Variants in THRB observed in about 807,000 individuals in gnomAD.
The protein encoded by THRB is nuclear receptor subfamily 1 group A member 2.
THRB carries 12 observed loss-of-function variants against 47.8 expected under a neutral mutation model. The observed-to-expected ratio is 0.25, with a 90% confidence interval of 0.16 to 0.41. The LOEUF (loss-of-function observed/expected upper bound fraction) is 0.41. Among genes scored for constraint, THRB ranks in the 10% least tolerant of loss-of-function variants. The probability of loss-of-function intolerance (pLI) is 1.00; values close to 1 mark genes in which losing one functional copy is unlikely to be tolerated. For synonymous variants in THRB, 218 were observed against 212.2 expected (o/e 1.03, Z -0.24); for missense variants, 348 against 589.2 (o/e 0.59, Z 4.24).
chr3:24,477,752 T>C (rs1387003232), intron 1 of THRB, among the ~76,000 whole-genome samples: 1 of 151,798 alleles, frequency 6.6e-6, no homozygotes, highest in Non-Finnish European at 1.5e-5. Context: ...TCAGTAGATC[T>C]CTCAGTGACA....
At chr3:24,132,085 G>A (rs1156949432) in intron 9 of THRB, among the ~76,000 whole-genome samples, 5 of 152,158 alleles carry the variant, frequency 3.3e-5, no homozygotes, top group African/African-American at 1.2e-4. Flanking sequence ...ATTCCAGCTA[G>A]GCTCCCATTA....
intron 4 of THRB, among the ~76,000 whole-genome samples, chr3:24,203,533 C>G (rs549177722): frequency 6.6e-6 from 1 of 152,298 alleles, no homozygotes; most frequent in South Asian, 2.1e-4. Flanking sequence ...GGGCGGTTCT[C>G]AGATGGCTGA....
intron 5 of THRB, among the ~76,000 whole-genome samples, chr3:24,187,877 T>G (rs2042801086): frequency 6.6e-6 from 1 of 152,198 alleles, no homozygotes; most frequent in African/African-American, 2.4e-5. Context: ...ATAAGTTTCT[T>G]GGACCAAGAT....
intron 3 of THRB, among the ~76,000 whole-genome samples, chr3:24,264,903 G>A (rs1281036608): frequency 6.6e-6 from 1 of 152,094 alleles, no homozygotes; most frequent in African/African-American, 2.4e-5. Flanking sequence ...GTGGGTGGAA[G>A]GGAATTGTGG....
intron 4 of THRB, among the ~76,000 whole-genome samples, chr3:24,198,827 G>T (rs1378158898): frequency 2.6e-5 from 4 of 152,106 alleles, no homozygotes; most frequent in African/African-American, 9.7e-5. Context: ...AAAATGGAGT[G>T]AAATATTCTG....
intron 8 of THRB, among the ~76,000 whole-genome samples, chr3:24,134,653 C>T (rs556851985): frequency 8.7e-4 from 133 of 152,272 alleles, no homozygotes; most frequent in African/African-American, 3.1e-3. Flanking sequence ...GACCTTTTGA[C>T]ACTAATGAAC....
rs182279950 is a variant in THRB, at chr3:24,401,861, C to A, written c.-260-64490G>T. 2.7e-3 allele frequency among the ~76,000 whole-genome samples: 415 copies of A among 152,086 alleles called. 2 individuals are homozygous for A. Among genetic ancestry groups the A allele is most frequent in the African/African-American group, 9.5e-3 (394 of 41,516 alleles). On this transcript the variant is annotated intron_variant, in intron 1 of 10. Transcript: ENST00000646209. ...GGATAAATATGTGTTTAAAAAAGCT[C>A]ACCCAAAGATTCTGATGCACAAATT...
At chr3:24,224,079 G>A (rs2047415695) in intron 4 of THRB, among the ~76,000 whole-genome samples, 1 of 152,024 alleles carries the variant, frequency 6.6e-6, no homozygotes, top group Non-Finnish European at 1.5e-5. Flanking sequence ...TGTCTCAATT[G>A]GTCCAATAAT....
intron 4 of THRB, among the ~76,000 whole-genome samples, chr3:24,207,338 A>G (rs2045495710): frequency 2.0e-5 from 3 of 152,218 alleles, no homozygotes; most frequent in African/African-American, 7.2e-5. Context: ...AGGCTGGTTC[A>G]ACTTACGCAA....
chr3:24,380,772 G>C (rs2065646343), intron 1 of THRB, among the ~76,000 whole-genome samples: 1 of 152,090 alleles, frequency 6.6e-6, no homozygotes, highest in Admixed American at 6.6e-5. Flanking sequence ...TTACAGATAA[G>C]AAGACTGAAT....
At chr3:24,244,995 C>A (rs183206798) in intron 3 of THRB, among the ~76,000 whole-genome samples, 3 of 152,316 alleles carry the variant, frequency 2.0e-5, no homozygotes, top group East Asian at 3.9e-4. Context: ...CATCAGTGCA[C>A]AAAGGGTCTG....
At chr3:24,178,226 T>A (rs969960559) in intron 5 of THRB, among the ~76,000 whole-genome samples, 1 of 152,232 alleles carries the variant, frequency 6.6e-6, no homozygotes, top group Non-Finnish European at 1.5e-5. Flanking sequence ...GTTTGGAAGA[T>A]TGAAAACTAT....
chr3:24,159,316 G>C (rs1294801199), intron 5 of THRB, among the ~76,000 whole-genome samples: 2 of 152,184 alleles, frequency 1.3e-5, no homozygotes, highest in Non-Finnish European at 2.9e-5. Context: ...GCAGTCACAT[G>C]GATGTGCGCT....
At chr3:24,356,553 G>A (rs180762585) in intron 1 of THRB, among the ~76,000 whole-genome samples, 1 of 152,200 alleles carries the variant, frequency 6.6e-6, no homozygotes, top group East Asian at 1.9e-4. Flanking sequence ...TTGCTAATAT[G>A]ATCCCATTCT....
rs1424139433 is a variant in THRB, at chr3:24,280,530, C to G, written c.-43+16696G>C. 5.3e-5 allele frequency among the ~76,000 whole-genome samples: 8 copies of G among 152,184 alleles called. No homozygotes were observed. The South Asian group carries it at 1.7e-3, about 32-fold the overall frequency. On this transcript the variant is annotated intron_variant, in intron 3 of 10. Coordinates refer to ENST00000646209, the MANE Select transcript of THRB (RefSeq NM_001354712.2). The stretch of plus-strand genomic sequence containing the variant: ...CTGGAAACTCTAAAAAGCAGAGCGC[C>G]TCTCCTCCTCCAAAGGAATGCAGTT...
intron 5 of THRB, among the ~76,000 whole-genome samples, chr3:24,169,693 T>A (rs1440290154): frequency 6.8e-6 from 1 of 147,932 alleles, no homozygotes; most frequent in Non-Finnish European, 1.5e-5. Context: ...ATATTATATA[T>A]ATATATTATA....
At chr3:24,293,154 G>C (rs2056112461) in intron 3 of THRB, among the ~76,000 whole-genome samples, 1 of 152,162 alleles carries the variant, frequency 6.6e-6, no homozygotes, top group Non-Finnish European at 1.5e-5. Flanking sequence ...TCATCATTTT[G>C]GGGTGGTCTG....
In THRB at chr3:24,160,252, C is replaced by T. The variant is rs575256278; in HGVS notation, c.284-7762G>A. On this transcript the variant is annotated intron_variant, in intron 5 of 10. Transcript: ENST00000646209. ...CTGGAACAGAGGGTGTGGGTAAAAG[C>T]ACAAAGCCAGAATCAAAATTGAACT... is the stretch of plus-strand genomic sequence containing the variant. Among the ~76,000 whole-genome samples the T allele has an allele frequency of 3.2e-4, 49 of 152,236 alleles. 1 individual carries two copies. The South Asian group carries it at 5.6e-3, about 17-fold the overall frequency.
At chr3:24,411,229 T>G (rs570678822) in intron 1 of THRB, among the ~76,000 whole-genome samples, 10 of 151,850 alleles carry the variant, frequency 6.6e-5, no homozygotes, top group Non-Finnish European at 1.5e-4. Flanking sequence ...ATTCATAGAA[T>G]GACGGTCTTA....
Sources: allele counts gnomAD v4.1 joint callset (sites outside exome capture counted in the v4.1 genomes callset), GRCh38; gene constraint gnomAD v4.1.1; transcripts MANE v1.5; gene names NCBI Gene and HGNC (gene_info 2026-07-23, HGNC 2026-07-21).